The following SNX18 variants were observed in gnomAD, a reference collection of about 807,000 sequenced individuals.
SNX18 encodes sorting nexin-18.
SNX18 carries 35 observed loss-of-function variants against 48.7 expected under a neutral mutation model. That is an observed-to-expected ratio of 0.72 (90% confidence interval 0.55 to 0.95). The LOEUF is 0.95. Among genes scored for constraint, SNX18 ranks in the 40% least tolerant of loss-of-function variants. The pLI is 0.00. For missense variants in SNX18, 824 were observed against 871.0 expected (o/e 0.95, Z 0.68); for synonymous variants, 492 against 384.7 (o/e 1.28, Z -3.26).
At chr5:54,561,713 T>C in the SNX18 span, among the ~76,000 whole-genome samples, 1 of 152,296 alleles carries the variant, frequency 6.6e-6, no homozygotes, top group South Asian at 2.1e-4. Context: ...TTCATTCATT[T>C]CTAGATGCTG....
chr5:54,586,318 T>A, the SNX18 span, among the ~76,000 whole-genome samples: 1 of 152,146 alleles, frequency 6.6e-6, no homozygotes, highest in South Asian at 2.1e-4. Context: ...TAGCAACTAT[T>A]TACATCTGCA....
chr5:54,520,010 A>G, intron 1 of SNX18: 1 of 597,126 alleles, frequency 1.7e-6, no homozygotes. Context: ...CTGTAAATAG[A>G]AATCTGCTTT....
the SNX18 span, among the ~76,000 whole-genome samples, chr5:54,641,247 G>A: frequency 6.6e-6 from 1 of 152,084 alleles, no homozygotes; most frequent in Non-Finnish European, 1.5e-5. Context: ...ACCCACTGCT[G>A]CTTCAGTATT....
At chr5:54,592,152 T>G in the SNX18 span, among the ~76,000 whole-genome samples, 1 of 152,210 alleles carries the variant, frequency 6.6e-6, no homozygotes, top group Non-Finnish European at 1.5e-5. Context: ...CTATTGCTTT[T>G]CTTCATCTGC....
chr5:54,564,672 C>T, the SNX18 span, among the ~76,000 whole-genome samples: 1 of 152,140 alleles, frequency 6.6e-6, no homozygotes, highest in African/African-American at 2.4e-5. Context: ...CCCTGGCCAA[C>T]ATGCTGAAAC....
intron 1 of SNX18, among the ~76,000 whole-genome samples, chr5:54,523,664 T>C (rs1462987469): frequency 1.3e-5 from 2 of 152,246 alleles, no homozygotes; most frequent in African/African-American, 4.8e-5. Flanking sequence ...GCTCTCTAAA[T>C]GTTCCAGATG....
chr5:54,519,517 T>G lies in SNX18; in HGVS notation c.1565T>G (p.Leu522Ter). The change falls in exon 1 of 2, where the codon TTA becomes TGA. Residue 522 changes from leucine to a stop codon, truncating the protein, a stop_gained. Transcript: ENST00000381410. LOFTEE classifies it high-confidence loss of function. ...RQDLDPVMDLLALYQGHLANF... is the reference protein window; with the variant it reads ...RQDLDPVMDL ...GACCTGGATCCCGTCATGGACCTAT[T>G]AGCGCTGTATCAGGGGCATCTGGCT... 6.2e-7 allele frequency: 1 copy of G among 1,614,220 alleles called. No homozygotes were observed. The highest frequency in any genetic ancestry group is 1.1e-5 in the South Asian group (1 of 91,086).
the SNX18 span, among the ~76,000 whole-genome samples, chr5:54,640,298 C>G: frequency 4.6e-5 from 7 of 151,912 alleles, no homozygotes; most frequent in Admixed American, 1.3e-4. Flanking sequence ...ACTGCAACCT[C>G]CATCTCCCAG....
At chr5:54,644,484 CT>C in the SNX18 span, 2 of 152,226 alleles carry the variant, frequency 1.3e-5, no homozygotes, top group Admixed American at 1.3e-4. Context: ...TTGCTGGCAT[CT>C]ACCCAGCATT....
chr5:54,517,850 G>A lies in SNX18; in HGVS notation c.-103G>A. The A allele has an allele frequency of 1.6e-6, 2 of 1,256,580 alleles. No individual in the cohort carries two copies. The highest frequency in any genetic ancestry group is 2.0e-6 in the Non-Finnish European group (2 of 980,194). 77.8% of individuals were successfully genotyped at this position (1,256,580 alleles called of 1,614,324 possible). A position where few individuals can be genotyped will look rare whatever the true frequency, so the allele number is the denominator to read the frequency against. On this transcript the variant is annotated 5_prime_UTR_variant, in exon 1 of 2. Transcript: ENST00000381410. ...GCAGCGTGGGTTTGCCGCCTTCGGG[G>A]CTCCAGTCCGCGCGCCAGGGCTCGA... is the stretch of plus-strand genomic sequence containing the variant.
At chr5:54,575,801 T>G in the SNX18 span, among the ~76,000 whole-genome samples, 22 of 152,176 alleles carry the variant, frequency 1.4e-4, no homozygotes, top group Admixed American at 3.9e-4. Flanking sequence ...ATAAGCTTAC[T>G]AAAGAAACCC....
the SNX18 span, among the ~76,000 whole-genome samples, chr5:54,640,980 A>C: frequency 6.6e-6 from 1 of 152,180 alleles, no homozygotes; most frequent in African/African-American, 2.4e-5. Context: ...GAACTGCTTG[A>C]ATGTGGGAGG....
At chr5:54,564,198 G>A in the SNX18 span, among the ~76,000 whole-genome samples, 6 of 151,870 alleles carry the variant, frequency 4.0e-5, no homozygotes, top group East Asian at 1.9e-4. Context: ...CCTGTGAGGC[G>A]GAGGTTGCAG....
At chr5:54,637,109 A>C in the SNX18 span, among the ~76,000 whole-genome samples, 1 of 152,202 alleles carries the variant, frequency 6.6e-6, no homozygotes, top group South Asian at 2.1e-4. Flanking sequence ...GATGTGTGAC[A>C]ATTGGTAAAT....
intron 1 of SNX18, among the ~76,000 whole-genome samples, chr5:54,525,327 G>A (rs1762111325): frequency 6.6e-6 from 1 of 151,418 alleles, no homozygotes; most frequent in African/African-American, 2.4e-5. Flanking sequence ...AATCACTTGA[G>A]CCCAAGAGTT....
the SNX18 span, among the ~76,000 whole-genome samples, chr5:54,553,178 G>C: frequency 0.059 from 9,019 of 152,238 alleles, 361 homozygotes; most frequent in Middle Eastern, 0.11. Flanking sequence ...CTTTTTCTCT[G>C]AATGAGATGT....
rs202083523 is a variant in SNX18, at chr5:54,543,367, A to G, written c.1810A>G (p.Ile604Val). Residue 604 changes from isoleucine (I) to valine (V), a missense_variant, in exon 2 of 2, where the codon ATA becomes GTA. Ile to Val is a conservative substitution (Grantham distance 29, BLOSUM62 3). This residue lies in a region of SNX18 where 443 missense variants were observed against 503.6 expected (regional missense o/e 0.88). Transcript: ENST00000381410. The stretch of plus-strand genomic sequence containing the variant: ...GATGCAGCATTTCTTACAACAACAA[A>G]TAATATTTTTCCAAAAAGTTACCCA... ...SQMQHFLQQQ[I>V]IFFQKVTQKL... is the part of the protein sequence containing the mutation. The G allele has an allele frequency of 2.5e-6, 4 of 1,614,184 alleles. No homozygotes were observed. Among genetic ancestry groups the G allele is most frequent in the Non-Finnish European group, 3.4e-6 (4 of 1,180,008 alleles).
chr5:54,568,462 A>G, the SNX18 span, among the ~76,000 whole-genome samples: 149 of 152,214 alleles, frequency 9.8e-4, no homozygotes, highest in African/African-American at 3.4e-3. Context: ...CAGGCCCTCA[A>G]TGGGAACCCC....
chr5:54,573,500 G>A, the SNX18 span, among the ~76,000 whole-genome samples: 497 of 152,270 alleles, frequency 3.3e-3, 3 homozygotes, highest in African/African-American at 0.012. Flanking sequence ...GAGGCAGTTT[G>A]CTTTTTCCTG....
Sources: allele counts gnomAD v4.1 joint callset (sites outside exome capture counted in the v4.1 genomes callset), GRCh38; gene constraint gnomAD v4.1.1; regional missense constraint gnomAD v4.1.1; transcripts MANE v1.5; gene names NCBI Gene and HGNC (gene_info 2026-07-23, HGNC 2026-07-21).